The following GALNT10 variants were observed in gnomAD, a reference collection of about 807,000 sequenced individuals.
The protein encoded by GALNT10 is GalNAc transferase 10.
A neutral mutation model predicts 75.0 loss-of-function variants in GALNT10; 41 were observed. The observed-to-expected ratio is 0.55, with a 90% CI of 0.43 to 0.71. GALNT10 has a LOEUF of 0.71. GALNT10 is among the 30% of genes least tolerant of loss of function. The pLI is 0.00. For synonymous variants in GALNT10, 302 were observed against 313.0 expected (o/e 0.96, Z 0.37); for missense variants, 727 against 818.5 (o/e 0.89, Z 1.36).
At chr5:154,356,319 A>G (rs572412189) in intron 4 of GALNT10, 14 of 414,622 alleles carry the variant, frequency 3.4e-5, no homozygotes, top group African/African-American at 2.9e-4. Context: ...TTAAAAGTTG[A>G]TGCTTATTTT....
intron 1 of GALNT10, among the ~76,000 whole-genome samples, chr5:154,229,462 C>T (rs568418090): frequency 6.6e-6 from 1 of 152,322 alleles, no homozygotes; most frequent in East Asian, 1.9e-4. Context: ...GACGTGGTGG[C>T]TCATGCCTGT....
At chr5:154,356,758 T>C (rs1755303683) in intron 4 of GALNT10, among the ~76,000 whole-genome samples, 1 of 152,046 alleles carries the variant, frequency 6.6e-6, no homozygotes, top group South Asian at 2.1e-4. Flanking sequence ...AGGTCCCTCA[T>C]TAGGGAGGAA....
At chr5:154,332,166 G>GA (rs1463155731) in intron 4 of GALNT10, among the ~76,000 whole-genome samples, 1 of 152,068 alleles carries the variant, frequency 6.6e-6, no homozygotes, top group Non-Finnish European at 1.5e-5. Context: ...AGCAGAAAGG[G>GA]AAAAAAATGA....
At chr5:154,248,025 C>A (rs534475869) in intron 1 of GALNT10, among the ~76,000 whole-genome samples, 1 of 145,978 alleles carries the variant, frequency 6.9e-6, no homozygotes, top group African/African-American at 2.5e-5. Context: ...GCATGAAGGG[C>A]TGTTGAATTT....
intron 5 of GALNT10, among the ~76,000 whole-genome samples, chr5:154,378,317 T>TATCATCATCATCATC (rs111591729): frequency 0.1 from 15,427 of 150,924 alleles, 912 homozygotes; most frequent in Non-Finnish European, 0.14. Context: ...TTTCCTTTTT[T>TATCATCATCATCATC]ATCATCATCA....
intron 1 of GALNT10, among the ~76,000 whole-genome samples, chr5:154,237,871 T>C (rs887848130): frequency 6.6e-6 from 1 of 152,220 alleles, no homozygotes. Flanking sequence ...CTGGTGAAGG[T>C]CGCGCCTGCT....
intron 4 of GALNT10, among the ~76,000 whole-genome samples, chr5:154,330,352 C>T (rs775317855): frequency 5.9e-5 from 9 of 152,224 alleles, no homozygotes; most frequent in Non-Finnish European, 1.3e-4. Flanking sequence ...TTTGTGGCCT[C>T]TTTGGTGAGT....
chr5:154,319,687 C>T (rs1191850605), intron 3 of GALNT10, among the ~76,000 whole-genome samples: 3 of 152,258 alleles, frequency 2.0e-5, no homozygotes, highest in African/African-American at 7.2e-5. Flanking sequence ...GCAATGGGAG[C>T]AGTGCCCTAG....
Position 154,249,958 on chromosome 5 carries a change from T to G in GALNT10, c.160-44858T>G, listed in dbSNP as rs554672690. Among the ~76,000 whole-genome samples, 3 of 152,344 alleles carry G rather than the reference T, an allele frequency of 2.0e-5. No homozygotes were observed. In the South Asian group the frequency reaches 6.2e-4, roughly 32 times the overall value. On this transcript the variant is annotated intron_variant, in intron 1 of 11. Coordinates refer to ENST00000297107, the MANE Select transcript of GALNT10 (RefSeq NM_198321.4). ...GCAGCATCAGGCCTCCCTGTGACCCTGTGCCAGAAATCTGATGAAGAAATT... is the reference window on the plus strand; with the variant it reads ...GCAGCATCAGGCCTCCCTGTGACCCGGTGCCAGAAATCTGATGAAGAAATT...
At chr5:154,252,369 G>C (rs1753536643) in intron 1 of GALNT10, among the ~76,000 whole-genome samples, 1 of 152,112 alleles carries the variant, frequency 6.6e-6, no homozygotes, top group Non-Finnish European at 1.5e-5. Context: ...CGGAGCACTA[G>C]TGGGAACAAT....
chr5:154,253,939 C>T (rs1008157460), intron 1 of GALNT10, among the ~76,000 whole-genome samples: 3 of 152,114 alleles, frequency 2.0e-5, no homozygotes, highest in Non-Finnish European at 2.9e-5. Context: ...AGTGAGGTGG[C>T]CCCGTCCCCT....
At chr5:154,215,880 TC>T (rs1214151313) in intron 1 of GALNT10, among the ~76,000 whole-genome samples, 4 of 152,222 alleles carry the variant, frequency 2.6e-5, no homozygotes, top group Non-Finnish European at 5.9e-5. Flanking sequence ...GGCAGGGCCC[TC>T]TTAGCTCTGA....
rs1755085373 is a variant in GALNT10 at position 154,344,272 on chromosome 5, C to T, written c.568+14534C>T. Among the ~76,000 whole-genome samples the T allele has an allele frequency of 2.7e-5, 4 of 149,016 alleles. 1 individual carries two copies. Among genetic ancestry groups the T allele is most frequent in the South Asian group, 2.1e-4 (1 of 4,702 alleles). ...TGTCGCCCAGGCTGAAGTACAGTGG[C>T]ATGATCTCGGCTCACTGCAGCCTCC... On this transcript the variant is annotated intron_variant, in intron 4 of 11. Coordinates refer to ENST00000297107, the MANE Select transcript of GALNT10 (RefSeq NM_198321.4).
intron 3 of GALNT10, among the ~76,000 whole-genome samples, chr5:154,328,362 G>A (rs186293788): frequency 3.9e-5 from 6 of 152,328 alleles, no homozygotes; most frequent in Admixed American, 3.9e-4. Flanking sequence ...CCCAGGGAGA[G>A]AGAGGAGGGG....
chr5:154,371,254 C>A (rs1307285609), intron 4 of GALNT10, among the ~76,000 whole-genome samples: 3 of 152,148 alleles, frequency 2.0e-5, no homozygotes, highest in African/African-American at 7.2e-5. Context: ...ATATACCAGC[C>A]ATTGGATGAG....
chr5:154,201,319 A>G (rs748311464), intron 1 of GALNT10, among the ~76,000 whole-genome samples: 1 of 152,174 alleles, frequency 6.6e-6, no homozygotes, highest in African/African-American at 2.4e-5. Context: ...ACTGAGGTTC[A>G]AAGAGCATAA....
intron 1 of GALNT10, among the ~76,000 whole-genome samples, chr5:154,293,615 T>TATATATA (rs1561652563): frequency 6.0e-5 from 8 of 132,900 alleles, no homozygotes; most frequent in Admixed American, 5.0e-4. Flanking sequence ...ATATATATAT[T>TATATATA]TTTTTTTTCC....
intron 4 of GALNT10, among the ~76,000 whole-genome samples, chr5:154,334,133 C>G (rs1054231540): frequency 3.9e-5 from 6 of 152,192 alleles, no homozygotes; most frequent in Non-Finnish European, 7.3e-5. Context: ...AAGGCATTTT[C>G]CTCTGAAATG....
At chr5:154,345,947 ATTTTTTT>A (rs70978537) in intron 4 of GALNT10, among the ~76,000 whole-genome samples, 2 of 65,414 alleles carry the variant, frequency 3.1e-5, no homozygotes, top group East Asian at 4.2e-4. Flanking sequence ...CACCCGCCTA[ATTTTTTT>A]TTTTTTTTTT....
Sources: allele counts gnomAD v4.1 joint callset (sites outside exome capture counted in the v4.1 genomes callset), GRCh38; gene constraint gnomAD v4.1.1; transcripts MANE v1.5; gene names NCBI Gene and HGNC (gene_info 2026-07-23, HGNC 2026-07-21).